ZFPM2: variants seen among roughly 807,000 people sequenced by gnomAD.
The protein encoded by ZFPM2 is zinc finger protein, FOG family member 2.
Under a neutral mutation model 98.6 loss-of-function variants are expected in ZFPM2, and 20 were observed. The ratio of observed to expected loss-of-function variants is 0.20; its 90% CI spans 0.14 to 0.29. The LOEUF is 0.29. Ranked by LOEUF, ZFPM2 falls within the 10% of genes least tolerant of loss-of-function variation. ZFPM2 has a pLI of 1.00. For synonymous variants in ZFPM2, 518 were observed against 502.7 expected (o/e 1.03, Z -0.41); for missense variants, 1,310 against 1,388.6 (o/e 0.94, Z 0.90).
At chr8:105,346,377 T>G (rs1045081152) in intron 1 of ZFPM2, among the ~76,000 whole-genome samples, 4 of 148,322 alleles carry the variant, frequency 2.7e-5, no homozygotes, top group Non-Finnish European at 5.9e-5. Context: ...AGAGCGAAAC[T>G]CCATCTCAAA....
chr8:105,466,043 A>G (rs1173597223), intron 3 of ZFPM2, among the ~76,000 whole-genome samples: 2 of 152,034 alleles, frequency 1.3e-5, no homozygotes, highest in South Asian at 4.1e-4. Context: ...GTTGTAGGAA[A>G]TAGCTGATAT....
At chr8:105,602,388 T>G (rs1405627120) in intron 4 of ZFPM2, among the ~76,000 whole-genome samples, 2 of 152,064 alleles carry the variant, frequency 1.3e-5, no homozygotes, top group East Asian at 3.9e-4. Flanking sequence ...AAATACTGAG[T>G]TTATCTCTTT....
chr8:105,616,941 C>G (rs1279081578), intron 4 of ZFPM2, among the ~76,000 whole-genome samples: 6 of 135,452 alleles, frequency 4.4e-5, no homozygotes, highest in Non-Finnish European at 9.2e-5. Context: ...TCACTTGAAC[C>G]TGGGAGGTGG....
intron 3 of ZFPM2, among the ~76,000 whole-genome samples, chr8:105,480,044 A>G (rs1813085012): frequency 6.6e-6 from 1 of 152,194 alleles, no homozygotes; most frequent in African/African-American, 2.4e-5. Flanking sequence ...CACTAGCTGT[A>G]AGCTCAGTTA....
chr8:105,676,309 T>C (rs571148415), intron 5 of ZFPM2, among the ~76,000 whole-genome samples: 1 of 152,310 alleles, frequency 6.6e-6, no homozygotes, highest in African/African-American at 2.4e-5. Flanking sequence ...GCATATTGTT[T>C]GTAAAAAATT....
intron 3 of ZFPM2, among the ~76,000 whole-genome samples, chr8:105,474,348 C>T (rs190111669): frequency 7.2e-4 from 110 of 152,322 alleles, no homozygotes; most frequent in African/African-American, 2.5e-3. Context: ...TTCAATCCAG[C>T]TACAACTAGC....
rs567353284 is a variant in ZFPM2, at chr8:105,802,755, C to T, written c.2673C>T (p.Asp891=). The stretch of plus-strand genomic sequence containing the variant: ...AGCGTAATGACCTGGGTCAACTGGA[C>T]GGCAAAGTGTTTCCGAATCCAGAAA... ...AHQRNDLGQL[D]GKVFPNPESE... Residue 891 remains aspartate, a synonymous_variant, in exon 8 of 8, where the codon GAC becomes GAT. Coordinates refer to ENST00000407775, the MANE Select transcript of ZFPM2 (RefSeq NM_012082.4). 8.7e-6 allele frequency: 14 copies of T among 1,613,506 alleles called. No individual in the cohort carries two copies. The highest frequency in any genetic ancestry group is 5.5e-5 in the South Asian group (5 of 91,006).
rs529232247 is a variant in ZFPM2, at chr8:105,780,785, C to T, written c.533-7933C>T. ...ATCCCAGCAACTTGGGAGGCTGAGGCAGGAGAATCGCTTGAACCTGGGAGG... is the reference window on the plus strand; with the variant it reads ...ATCCCAGCAACTTGGGAGGCTGAGGTAGGAGAATCGCTTGAACCTGGGAGG... On this transcript the variant is annotated intron_variant, in intron 5 of 7. Coordinates refer to ENST00000407775, the MANE Select transcript of ZFPM2 (RefSeq NM_012082.4). 2.0e-5 allele frequency among the ~76,000 whole-genome samples: 3 copies of T among 152,320 alleles called. No homozygotes were observed. In the East Asian group the frequency reaches 5.8e-4, roughly 29 times the overall value.
intron 5 of ZFPM2, among the ~76,000 whole-genome samples, chr8:105,754,983 T>TGTGTGC (rs1812565346): frequency 6.8e-6 from 1 of 147,814 alleles, no homozygotes; most frequent in Non-Finnish European, 1.5e-5. Flanking sequence ...TGTGTGTGTG[T>TGTGTGC]GCACGTGCGC....
intron 5 of ZFPM2, among the ~76,000 whole-genome samples, chr8:105,722,631 C>T (rs10089866): frequency 0.29 from 43,260 of 151,590 alleles, 6,701 homozygotes; most frequent in African/African-American, 0.38. Flanking sequence ...AGGAAATACA[C>T]TTGCTATTCA....
At chr8:105,586,002 G>GGTGTGTGTGTGT (rs142133685) in intron 4 of ZFPM2, among the ~76,000 whole-genome samples, 2 of 142,734 alleles carry the variant, frequency 1.4e-5, no homozygotes, top group African/African-American at 5.3e-5. Context: ...GGGGGGAAGG[G>GGTGTGTGTGTGT]GTGTGTGTGT....
chr8:105,636,334 T>G (rs1816846500), intron 5 of ZFPM2, among the ~76,000 whole-genome samples: 1 of 152,168 alleles, frequency 6.6e-6, no homozygotes, highest in African/African-American at 2.4e-5. Context: ...TAATAGAAGC[T>G]TATTAATTCA....
At chr8:105,543,634 C>G (rs910376407) in intron 3 of ZFPM2, among the ~76,000 whole-genome samples, 40 of 152,112 alleles carry the variant, frequency 2.6e-4, no homozygotes, top group African/African-American at 9.6e-4. Context: ...AGTGATGTAT[C>G]TTTTCTTTCA....
intron 5 of ZFPM2, among the ~76,000 whole-genome samples, chr8:105,754,531 G>A (rs117265936): frequency 0.018 from 2,786 of 152,186 alleles, 35 homozygotes; most frequent in South Asian, 0.047. Context: ...AATAAAAGAC[G>A]TCAGGAGCAA....
At chr8:105,677,818 T>G (rs1417055329) in intron 5 of ZFPM2, among the ~76,000 whole-genome samples, 5 of 152,198 alleles carry the variant, frequency 3.3e-5, no homozygotes, top group Non-Finnish European at 1.5e-5. Flanking sequence ...CTGGGAAGCT[T>G]TCCAAATTTT....
chr8:105,640,818 G>T lies in ZFPM2; in HGVS notation c.532+6461G>T, dbSNP rs181904657. Among the ~76,000 whole-genome samples, 1,127 of 152,012 alleles carry T rather than the reference G, an allele frequency of 7.4e-3. 10 individuals carry two copies. The highest frequency in any genetic ancestry group is 0.031 in the South Asian group (151 of 4,820). ...GTTAATGTTTAACTTTACCTAGAGGGTATAATGTTGTATAAATAATAAACT... is the reference window on the plus strand; with the variant it reads ...GTTAATGTTTAACTTTACCTAGAGGTTATAATGTTGTATAAATAATAAACT... On this transcript the variant is annotated intron_variant, in intron 5 of 7. Transcript: ENST00000407775.
intron 1 of ZFPM2, among the ~76,000 whole-genome samples, chr8:105,376,674 C>A (rs1325956643): frequency 2.0e-5 from 3 of 152,188 alleles, no homozygotes; most frequent in Non-Finnish European, 2.9e-5. Flanking sequence ...TTTATTCTGG[C>A]TTTTGCATCT....
At chr8:105,725,308 T>G (rs973945976) in intron 5 of ZFPM2, among the ~76,000 whole-genome samples, 3 of 151,862 alleles carry the variant, frequency 2.0e-5, no homozygotes, top group Non-Finnish European at 4.4e-5. Context: ...ATTAGAGATA[T>G]AAGTTATTTT....
At chr8:105,744,488 G>A (rs79220119) in intron 5 of ZFPM2, among the ~76,000 whole-genome samples, 1 of 152,178 alleles carries the variant, frequency 6.6e-6, no homozygotes, top group Non-Finnish European at 1.5e-5. Context: ...TGACATGTAG[G>A]TTACAGTTTA....
Sources: gnomAD v4.1 joint callset for allele counts (sites outside exome capture counted in the v4.1 genomes callset) on GRCh38, gnomAD v4.1.1 for gene constraint, MANE v1.5 for transcripts, NCBI Gene and HGNC (gene_info 2026-07-23, HGNC 2026-07-21) for gene names.